Variants in PPFIA1 observed in about 807,000 individuals in gnomAD.
PPFIA1 encodes the protein liprin-alpha-1.
Under a neutral mutation model 149.9 loss-of-function variants are expected in PPFIA1, and 25 were observed. The observed-to-expected ratio is 0.17, with a 90% confidence interval of 0.12 to 0.23. PPFIA1 has a LOEUF of 0.23. Ranked by LOEUF, PPFIA1 falls within the 10% of genes least tolerant of loss-of-function variation. The pLI is 1.00. For missense variants in PPFIA1, 1,362 were observed against 1,506.5 expected, an observed-to-expected ratio of 0.90 and a Z score of 1.59; for synonymous variants, 549 against 552.8, an observed-to-expected ratio of 0.99 and a Z score of 0.10.
At chr11:70,321,379 C>T (rs1565391320) in intron 2 of PPFIA1, 1 of 152,224 alleles carries the variant, frequency 6.6e-6, no homozygotes, top group East Asian at 1.9e-4. Context: ...CAACAGAAAA[C>T]CTTCTGTCGC....
chr11:70,332,521 G>GTT (rs2054729073), intron 9 of PPFIA1, among the ~76,000 whole-genome samples: 1 of 151,942 alleles, frequency 6.6e-6, no homozygotes. Context: ...ACTTAAAAAT[G>GTT]TATTTTTAAG....
In PPFIA1 at chr11:70,330,180, C is replaced by T; in HGVS notation, c.938C>T (p.Ala313Val). The T allele has an allele frequency of 6.3e-7, 1 of 1,593,686 alleles. No individual in the cohort carries two copies. The highest frequency in any genetic ancestry group is 8.5e-7 in the Non-Finnish European group (1 of 1,172,346). ...CTGAAATACCTAATTTAGGCCATGGCCCAAAAGGAAGATATGGAAGAGAGA... is the reference window on the plus strand; with the variant it reads ...CTGAAATACCTAATTTAGGCCATGGTCCAAAAGGAAGATATGGAAGAGAGA... ...KLQRDVREAM[A>V]QKEDMEERIT... is the part of the protein sequence containing the mutation. Residue 313 changes from alanine to valine, a missense_variant, in exon 8 of 28, where the codon GCC becomes GTC. This residue lies in a region of PPFIA1 where 733 missense variants were observed against 744.1 expected (regional missense o/e 0.99). Transcript: ENST00000253925.
At chr11:70,359,683 C>T (rs2056536332) in intron 19 of PPFIA1, among the ~76,000 whole-genome samples, 1 of 152,206 alleles carries the variant, frequency 6.6e-6, no homozygotes, top group Admixed American at 6.5e-5. Context: ...CTCACACAAG[C>T]TTCTCATTAT....
intron 16 of PPFIA1, among the ~76,000 whole-genome samples, chr11:70,348,739 T>G (rs1424919551): frequency 1.3e-5 from 2 of 151,876 alleles, no homozygotes; most frequent in Admixed American, 1.3e-4. Flanking sequence ...GGCCTGGTGG[T>G]GTGTGCCTGT....
rs745973350 is a variant in PPFIA1 at position 70,324,965 on chromosome 11, A to G, written c.485A>G (p.Lys162Arg). Residue 162 changes from lysine (K) to arginine (R), a missense_variant, in exon 4 of 28, where the codon AAA (lysine) becomes AGA (arginine). Transcript: ENST00000253925. ...GTGTCCAGCGAAGTGGAAGTGCTGA[A>G]AGCACTGAAGTCCTTATTTGAACAC... The part of the protein sequence containing the change: ...AGVSSEVEVL[K>R]ALKSLFEHHK... 6 of 1,613,520 alleles carry G rather than the reference A, an allele frequency of 3.7e-6. No individual in the cohort carries two copies. In the East Asian group the frequency reaches 1.1e-4, roughly 30 times the overall value.
intron 17 of PPFIA1, among the ~76,000 whole-genome samples, chr11:70,355,356 C>T (rs1179899589): frequency 6.6e-6 from 1 of 152,112 alleles, no homozygotes; most frequent in Non-Finnish European, 1.5e-5. Context: ...GTGGGAGCTG[C>T]TGGAGGGGAA....
At chr11:70,308,115 C>A (rs1227441452) in intron 2 of PPFIA1, among the ~76,000 whole-genome samples, 2 of 152,222 alleles carry the variant, frequency 1.3e-5, no homozygotes, top group South Asian at 2.1e-4. Context: ...ATGGTGCGAT[C>A]TCGGCTCACC....
intron 2 of PPFIA1, among the ~76,000 whole-genome samples, chr11:70,300,641 C>T (rs1174835227): frequency 2.0e-5 from 3 of 151,616 alleles, no homozygotes; most frequent in South Asian, 2.1e-4. Flanking sequence ...TCATGCCATT[C>T]TCCTGCCTCA....
intron 2 of PPFIA1, among the ~76,000 whole-genome samples, chr11:70,318,672 G>A (rs1193067095): frequency 6.6e-6 from 1 of 152,196 alleles, no homozygotes; most frequent in Non-Finnish European, 1.5e-5. Flanking sequence ...AGTCCAGTGA[G>A]GGTTTTGACC....
chr11:70,365,414 G>A (rs2056869397), intron 21 of PPFIA1: 1 of 456,602 alleles, frequency 2.2e-6, no homozygotes. Context: ...AGATGGAAAC[G>A]CTCGCAGCCA....
At chr11:70,293,428 G>T (rs1056189154) in intron 2 of PPFIA1, among the ~76,000 whole-genome samples, 1 of 152,168 alleles carries the variant, frequency 6.6e-6, no homozygotes, top group East Asian at 1.9e-4. Context: ...CTGCAATTTC[G>T]TTGGTATTTT....
intron 21 of PPFIA1, chr11:70,371,991 A>T (rs962510025): frequency 3.7e-4 from 132 of 361,142 alleles, no homozygotes; most frequent in Non-Finnish European, 5.1e-4. Flanking sequence ...AGTTAAATTT[A>T]TCACAACGAA....
intron 25 of PPFIA1, among the ~76,000 whole-genome samples, chr11:70,376,903 C>G (rs2057514498): frequency 6.6e-6 from 1 of 152,142 alleles, no homozygotes; most frequent in African/African-American, 2.4e-5. Flanking sequence ...GAAACCCCAT[C>G]TCTACTAAAA....
At chr11:70,323,551 A>G (rs2054086642) in intron 2 of PPFIA1, among the ~76,000 whole-genome samples, 1 of 152,216 alleles carries the variant, frequency 6.6e-6, no homozygotes, top group South Asian at 2.1e-4. Flanking sequence ...CAGCTGCAGC[A>G]GTCTGGAACA....
chr11:70,324,754 A>G, intron 3 of PPFIA1, 93 bp from the exon 4 acceptor site: 1 of 1,210,386 alleles, frequency 8.3e-7, no homozygotes, highest in Non-Finnish European at 1.2e-6. Context: ...ACTTCATTTT[A>G]GTATGAGACT....
intron 2 of PPFIA1, among the ~76,000 whole-genome samples, chr11:70,284,665 C>T (rs544809241): frequency 6.6e-6 from 1 of 152,196 alleles, no homozygotes; most frequent in African/African-American, 2.4e-5. Flanking sequence ...GTGAGGCTTT[C>T]GAGGGGATTG....
intron 11 of PPFIA1, among the ~76,000 whole-genome samples, chr11:70,336,673 C>T (rs936703072): frequency 2.0e-5 from 3 of 152,164 alleles, no homozygotes; most frequent in Non-Finnish European, 4.4e-5. Flanking sequence ...ACTCTGAGTA[C>T]TGTCATCATG....
intron 25 of PPFIA1, 134 bp downstream of exon 25, chr11:70,376,734 T>G (rs2057506561): frequency 1.2e-6 from 1 of 830,760 alleles, no homozygotes; most frequent in Non-Finnish European, 2.0e-6. Flanking sequence ...ATGTTAGAAG[T>G]CAGGCTTTGC....
At chr11:70,311,006 G>A (rs1428859679) in intron 2 of PPFIA1, among the ~76,000 whole-genome samples, 1 of 152,188 alleles carries the variant, frequency 6.6e-6, no homozygotes, top group African/African-American at 2.4e-5. Context: ...GAGCACCCAG[G>A]AAGCAAAGGC....
Sources: allele counts gnomAD v4.1 joint callset (sites outside exome capture counted in the v4.1 genomes callset), GRCh38; gene constraint gnomAD v4.1.1; regional missense constraint gnomAD v4.1.1; transcripts MANE v1.5; gene names NCBI Gene and HGNC (gene_info 2026-07-23, HGNC 2026-07-21).